The following AGPAT3 variants were observed in gnomAD, a reference collection of about 807,000 sequenced individuals.
AGPAT3 encodes 1-acyl-sn-glycerol-3-phosphate acyltransferase gamma.
Under a neutral mutation model 47.3 loss-of-function variants are expected in AGPAT3, and 5 were observed. That is an observed-to-expected ratio of 0.11 (90% CI 0.06 to 0.22). AGPAT3 has a LOEUF of 0.22. Ranked by LOEUF, AGPAT3 falls within the 10% of genes least tolerant of loss-of-function variation. The pLI is 1.00. For missense variants in AGPAT3, 315 were observed against 493.0 expected (o/e 0.64, Z 3.42); for synonymous variants, 212 against 208.3 (o/e 1.02, Z -0.15).
At chr21:43,885,420 G>C in intron 1 of AGPAT3, among the ~76,000 whole-genome samples, 1 of 130,548 alleles carries the variant, frequency 7.7e-6, no homozygotes, top group East Asian at 2.2e-4. Context: ...ACAGAGTCTT[G>C]CTCTGTCACC....
intron 2 of AGPAT3, among the ~76,000 whole-genome samples, chr21:43,926,262 T>A (rs897370204): frequency 1.3e-5 from 2 of 152,174 alleles, no homozygotes; most frequent in African/African-American, 4.8e-5. Context: ...CCAGCAGCGG[T>A]GAAATCTGGA....
intron 8 of AGPAT3, among the ~76,000 whole-genome samples, chr21:43,979,806 CA>C (rs2089774710): frequency 1.3e-5 from 2 of 152,196 alleles, no homozygotes; most frequent in Non-Finnish European, 2.9e-5. Flanking sequence ...GCTGGGTGCT[CA>C]GGGGTGGCCA....
chr21:43,917,391 T>G (rs574641908), intron 2 of AGPAT3, among the ~76,000 whole-genome samples: 1 of 152,218 alleles, frequency 6.6e-6, no homozygotes, highest in South Asian at 2.1e-4. Context: ...TTTTATAGAG[T>G]GCAGCTTTAC....
Position 43,955,163 on chromosome 21 carries a change from C to T in AGPAT3, c.-48-4471C>T, listed in dbSNP as rs925215579. Reference sequence around the variant, plus strand: ...CACGGATGCGCCCTGGGTGCTGTCCCGGGGCCGTCTCAGAAGCACCGCGCT... The same window carrying T: ...CACGGATGCGCCCTGGGTGCTGTCCTGGGGCCGTCTCAGAAGCACCGCGCT... On this transcript the variant is annotated intron_variant, in intron 2 of 9. Coordinates refer to ENST00000291572, the MANE Select transcript of AGPAT3 (RefSeq NM_020132.5). The surrounding 1 kb of genome is among the most constrained non-coding windows in gnomAD (Gnocchi z 4.1). 26 of 1,275,410 alleles carry T rather than the reference C, an allele frequency of 2.0e-5. No individual in the cohort carries two copies. Among genetic ancestry groups the T allele is most frequent in the South Asian group, 1.5e-4 (12 of 79,068 alleles). 79.0% of individuals were successfully genotyped at this position (1,275,410 alleles called of 1,614,324 possible). A position where few individuals can be genotyped will look rare whatever the true frequency, so the allele number is the denominator to read the frequency against.
At chr21:43,911,272 A>T (rs2086627109) in intron 2 of AGPAT3, among the ~76,000 whole-genome samples, 1 of 152,260 alleles carries the variant, frequency 6.6e-6, no homozygotes, top group Non-Finnish European at 1.5e-5. Flanking sequence ...TGTGCATTGT[A>T]AGAACTGTCC....
At chr21:43,892,281 C>T (rs778209385) in intron 1 of AGPAT3, among the ~76,000 whole-genome samples, 3 of 149,838 alleles carry the variant, frequency 2.0e-5, no homozygotes, top group Non-Finnish European at 4.4e-5. Context: ...CACTCCAGCC[C>T]GGGCAACAAG....
rs576807059 is a variant in AGPAT3 at position 43,955,109 on chromosome 21, C to G, written c.-48-4525C>G. 1 of 1,270,904 alleles carries G rather than the reference C, an allele frequency of 7.9e-7. No homozygotes were observed. Among genetic ancestry groups the G allele is most frequent in the African/African-American group, 1.5e-5 (1 of 65,412 alleles). The allele number at this position is 1,270,904 out of a possible 1,614,324, so 78.7% of individuals were successfully genotyped here. A position where few individuals can be genotyped will look rare whatever the true frequency, so the allele number is the denominator to read the frequency against. ...CGGCAGGGAGCGTATCACCGTGGCACGTCCATGCCGTGGGGGTCACTCAGC... is the reference window on the plus strand; with the variant it reads ...CGGCAGGGAGCGTATCACCGTGGCAGGTCCATGCCGTGGGGGTCACTCAGC... On this transcript the variant is annotated intron_variant, in intron 2 of 9. Transcript: ENST00000291572. The surrounding 1 kb of genome is among the most constrained non-coding windows in gnomAD (Gnocchi z 4.1).
chr21:43,914,016 G>T (rs1226918400), intron 2 of AGPAT3, among the ~76,000 whole-genome samples: 4 of 152,214 alleles, frequency 2.6e-5, no homozygotes, highest in Admixed American at 2.6e-4. Flanking sequence ...AATTAGTAAG[G>T]ACAGTGGCCC....
intron 1 of AGPAT3, among the ~76,000 whole-genome samples, chr21:43,899,201 T>G (rs2086295850): frequency 6.6e-6 from 1 of 152,186 alleles, no homozygotes; most frequent in African/African-American, 2.4e-5. Flanking sequence ...TAGTTTTCCC[T>G]GCCCCTTGGG....
At chr21:43,975,520 G>A (rs2089583044) in intron 7 of AGPAT3, among the ~76,000 whole-genome samples, 1 of 152,148 alleles carries the variant, frequency 6.6e-6, no homozygotes. Context: ...AAAGCTTTGG[G>A]TTCCTCAGTT....
chr21:43,871,552 C>T (rs1179942175), intron 1 of AGPAT3, among the ~76,000 whole-genome samples: 3 of 152,220 alleles, frequency 2.0e-5, no homozygotes, highest in Admixed American at 6.5e-5. Context: ...TCCACATACC[C>T]GTCAGCACTT....
chr21:43,971,671 G>A (rs892968882), intron 7 of AGPAT3, among the ~76,000 whole-genome samples, 181 bp downstream of exon 7: 2 of 152,226 alleles, frequency 1.3e-5, no homozygotes. Flanking sequence ...AGGCCCTGCA[G>A]GACTCGTCCG....
At chr21:43,926,489 TCA>T (rs996198245) in intron 2 of AGPAT3, among the ~76,000 whole-genome samples, 13 of 152,220 alleles carry the variant, frequency 8.5e-5, no homozygotes, top group Admixed American at 3.3e-4. Flanking sequence ...TGTTTCATTC[TCA>T]CAGAGAACAG....
At chr21:43,897,876 C>T (rs1020559702) in intron 1 of AGPAT3, among the ~76,000 whole-genome samples, 4 of 152,322 alleles carry the variant, frequency 2.6e-5, no homozygotes, top group East Asian at 1.9e-4. Context: ...AGCGAGACTC[C>T]GTCTGCAATC....
chr21:43,934,665 G>C lies in AGPAT3; in HGVS notation c.-48-24969G>C, dbSNP rs1326341848. On this transcript the variant is annotated intron_variant, in intron 2 of 9. Coordinates refer to ENST00000291572, the MANE Select transcript of AGPAT3 (RefSeq NM_020132.5). This position sits in a 1 kb window ranked among gnomAD's most constrained non-coding sequence, Gnocchi z 4.7. ...CGGGCTCAAGCCCTGGTCGTGAGCA[G>C]GATGACATTCAGATAGCTGGGAGCA... is the stretch of plus-strand genomic sequence containing the variant. Among the ~76,000 whole-genome samples, 1 of 152,168 alleles carries C rather than the reference G, an allele frequency of 6.6e-6. No homozygotes were observed. Among genetic ancestry groups the C allele is most frequent in the African/African-American group, 2.4e-5 (1 of 41,420 alleles).
At chr21:43,951,095 C>T (rs1291768793) in intron 2 of AGPAT3, among the ~76,000 whole-genome samples, 2 of 152,310 alleles carry the variant, frequency 1.3e-5, no homozygotes, top group Admixed American at 6.5e-5. Context: ...CCCAAGAGCC[C>T]GGGGCTCACC....
At chr21:43,897,755 C>T (rs2086259536) in intron 1 of AGPAT3, among the ~76,000 whole-genome samples, 1 of 152,172 alleles carries the variant, frequency 6.6e-6, no homozygotes, top group South Asian at 2.1e-4. Flanking sequence ...CGGGCAGAGG[C>T]TGTAATCTTA....
intron 7 of AGPAT3, among the ~76,000 whole-genome samples, chr21:43,972,637 G>T (rs970345562): frequency 1.3e-5 from 2 of 152,170 alleles, no homozygotes; most frequent in Non-Finnish European, 2.9e-5. Context: ...GGCTGTGGGT[G>T]CCGCCACCAA....
intron 1 of AGPAT3, among the ~76,000 whole-genome samples, chr21:43,870,071 C>T (rs1407880186): frequency 6.6e-6 from 1 of 152,172 alleles, no homozygotes; most frequent in Non-Finnish European, 1.5e-5. Context: ...AACTGTGACT[C>T]ATTATGCGGC....
Sources: gnomAD v4.1 joint callset for allele counts (sites outside exome capture counted in the v4.1 genomes callset) on GRCh38, gnomAD v4.1.1 for gene constraint, Gnocchi (gnomAD v3.1) non-coding constraint, MANE v1.5 for transcripts, NCBI Gene and HGNC (gene_info 2026-07-23, HGNC 2026-07-21) for gene names.